Variants in HLA-DQB2 observed in about 807,000 individuals in gnomAD.
HLA-DQB2 encodes the protein HLA class II histocompatibility antigen, DQ beta 2 chain.
HLA-DQB2 carries 24 observed loss-of-function variants against 29.2 expected under a neutral mutation model. That is an observed-to-expected ratio of 0.82 (90% confidence interval 0.60 to 1.16). The LOEUF is 1.16. HLA-DQB2 is among the 50% of genes most tolerant of loss of function. The probability of loss-of-function intolerance (pLI) is 0.00; values close to 1 mark genes in which losing one functional copy is unlikely to be tolerated. For missense variants in HLA-DQB2, 273 were observed against 343.6 expected (o/e 0.79, Z 1.62); for synonymous variants, 104 against 133.1 (o/e 0.78, Z 1.51).
intron 2 of HLA-DQB2, among the ~76,000 whole-genome samples, chr6:32,760,961 C>T (rs773166981): frequency 3.3e-5 from 5 of 152,250 alleles, no homozygotes; most frequent in Non-Finnish European, 7.3e-5. Flanking sequence ...CAGCTGAGTA[C>T]ATTTATTCAT....
chr6:32,756,897 G>A, intron 5 of HLA-DQB2: 1 of 1,188,454 alleles, frequency 8.4e-7, no homozygotes, highest in Non-Finnish European at 1.0e-6. Context: ...TTAAGGCCTG[G>A]TTCTAGGAAA....
rs745655214 is a variant in HLA-DQB2, at chr6:32,757,804, C to T, written c.726G>A (p.Leu242=). The change falls in exon 4 of 6, where the codon CTG becomes CTA. Residue 242 remains leucine, a synonymous_variant. Transcript: ENST00000437316. The stretch of plus-strand genomic sequence containing the variant: ...GACCCCTGTGACGGATGATAAGGCC[C>T]AGCCCGAGGAAGATCAGCCCCAGCA... ...GFVLGLIFLG[L]GLIIRHRGQK... is the part of the protein sequence containing the mutation. 6.2e-7 allele frequency: 1 copy of T among 1,613,556 alleles called. No individual in the cohort carries two copies. The highest frequency in any genetic ancestry group is 1.7e-5 in the Admixed American group (1 of 60,002).
chr6:32,757,030 T>TTTA, intron 5 of HLA-DQB2: 1 of 1,382,094 alleles, frequency 7.2e-7, no homozygotes, highest in Non-Finnish European at 9.3e-7. Flanking sequence ...CTCTTCTTTT[T>TTTA]TTTTTTTGAG....
chr6:32,756,616 T>C, intron 5 of HLA-DQB2, 150 bp from the exon 6 acceptor site: 1 of 1,440,514 alleles, frequency 6.9e-7, no homozygotes, highest in Non-Finnish European at 9.1e-7. Context: ...TGTGTAAAGG[T>C]AAAATCAGCT....
At position 32,763,494 on chromosome 6, in the gene HLA-DQB2, A is replaced by C; in HGVS notation, c.-24T>G. The C allele has an allele frequency of 6.8e-7, 1 of 1,465,912 alleles. No individual in the cohort carries two copies. Among genetic ancestry groups the C allele is most frequent in the African/African-American group, 1.4e-5 (1 of 71,868 alleles). 90.8% of individuals were successfully genotyped at this position (1,465,912 alleles called of 1,614,324 possible). A position where few individuals can be genotyped will look rare whatever the true frequency, so the allele number is the denominator to read the frequency against. On this transcript the variant is annotated 5_prime_UTR_variant, in exon 1 of 6. Coordinates refer to ENST00000437316, the MANE Select transcript of HLA-DQB2 (RefSeq NM_001300790.2). ...ATCTTCCAAGACGTAAGTGAGACCA[A>C]GGAAAAAGCAGTGGTAGTCAACACA...
In HLA-DQB2 at chr6:32,763,431, C is replaced by G. The variant is rs766009346; in HGVS notation, c.40G>C (p.Val14Leu). 7.0e-6 allele frequency: 11 copies of G among 1,564,146 alleles called. No individual in the cohort carries two copies. Among genetic ancestry groups the G allele is most frequent in the Admixed American group, 1.9e-5 (1 of 52,544 alleles). The change falls in exon 1 of 6, where the codon GTG (valine) becomes CTG (leucine). Residue 14 changes from valine to leucine, a missense_variant. Physicochemically the swap from Val to Leu is conservative, Grantham distance 32. Transcript: ENST00000437316. The stretch of plus-strand genomic sequence containing the variant: ...CTCAGCATCACCAGCATCACGGTCA[C>G]AGCTGCTGCCCAAAAGCCTCCAGGG... ...QIPGGFWAAAVTVMLVMLSTP... is the reference protein window; with the variant it reads ...QIPGGFWAAALTVMLVMLSTP...
intron 3 of HLA-DQB2, among the ~76,000 whole-genome samples, 195 bp downstream of exon 3, chr6:32,758,655 T>G (rs977540671): frequency 5.9e-5 from 9 of 152,246 alleles, no homozygotes; most frequent in Non-Finnish European, 1.0e-4. Flanking sequence ...GAAAGTGATC[T>G]CCCTGGTATC....
At chr6:32,762,984 C>T (rs900234949) in intron 1 of HLA-DQB2, among the ~76,000 whole-genome samples, 1 of 152,216 alleles carries the variant, frequency 6.6e-6, no homozygotes, top group Non-Finnish European at 1.5e-5. Flanking sequence ...ACCTCCAATA[C>T]AGAGACTACA....
chr6:32,762,178 A>T (rs527760948), intron 1 of HLA-DQB2, among the ~76,000 whole-genome samples: 5 of 152,284 alleles, frequency 3.3e-5, no homozygotes, highest in Admixed American at 3.3e-4. Flanking sequence ...GTAAGAGGGA[A>T]AGCCCAGTCC....
In HLA-DQB2 at chr6:32,763,367, C is replaced by T. The variant is rs746779951; in HGVS notation, c.97+7G>A. ...GTGGCTCTCGAGAGCAGCTGCCCTG[C>T]ACTTACTGGGAAAGTCTCTGGCCTC... On this transcript the variant is annotated splice_region_variant and intron_variant, in intron 1 of 5. Coordinates refer to ENST00000437316, the MANE Select transcript of HLA-DQB2 (RefSeq NM_001300790.2). 4.6e-6 allele frequency: 7 copies of T among 1,536,258 alleles called. No homozygotes were observed. In the South Asian group the frequency reaches 8.3e-5, roughly 18 times the overall value.
intron 2 of HLA-DQB2, among the ~76,000 whole-genome samples, chr6:32,761,024 G>A (rs949354633): frequency 0.15 from 21,945 of 145,628 alleles, no homozygotes; most frequent in East Asian, 0.25. Context: ...CACGAGTCAG[G>A]TACTAGGCAT....
chr6:32,763,462 C>T lies in HLA-DQB2; in HGVS notation c.9G>A (p.Leu3=), dbSNP rs765751400. The T allele has an allele frequency of 8.4e-6, 13 of 1,555,590 alleles. No individual in the cohort carries two copies. In the African/African-American group the frequency reaches 1.6e-4, roughly 19 times the overall value. ...CTGCCCAAAAGCCTCCAGGGATCTG[C>T]AGAGCCATCTTCCAAGACGTAAGTG... The part of the protein sequence containing the change: MA[L]QIPGGFWAAA... The change falls in exon 1 of 6, where the codon CTG becomes CTA. Residue 3 remains leucine (L), a synonymous_variant. Coordinates refer to ENST00000437316, the MANE Select transcript of HLA-DQB2 (RefSeq NM_001300790.2).
chr6:32,756,254 C>T lies in HLA-DQB2; in HGVS notation c.*199G>A. ...ACAGCTTGCAGTGCACAGGCAGAGGCTCTGGGTCAGTGCAGGAAGCAGAGT... is the reference window on the plus strand; with the variant it reads ...ACAGCTTGCAGTGCACAGGCAGAGGTTCTGGGTCAGTGCAGGAAGCAGAGT... On this transcript the variant is annotated 3_prime_UTR_variant, in exon 6 of 6. Transcript: ENST00000437316. 1.6e-6 allele frequency: 1 copy of T among 606,948 alleles called. No individual in the cohort carries two copies. The highest frequency in any genetic ancestry group is 2.1e-5 in the South Asian group (1 of 48,552). 37.6% of individuals were successfully genotyped at this position (606,948 alleles called of 1,614,324 possible).
At chr6:32,756,524 C>A in intron 5 of HLA-DQB2, 58 bp from the exon 6 acceptor site, 1 of 1,553,236 alleles carries the variant, frequency 6.4e-7, no homozygotes, top group Non-Finnish European at 8.7e-7. Flanking sequence ...CACACCCTCT[C>A]CCCTAGTCCT....
At chr6:32,759,457 C>T (rs1387996669) in intron 2 of HLA-DQB2, among the ~76,000 whole-genome samples, 1 of 152,144 alleles carries the variant, frequency 6.6e-6, no homozygotes, top group South Asian at 2.1e-4. Context: ...ATCATGTTTG[C>T]CCATAACTCA....
chr6:32,760,504 C>A (rs1232892345), intron 2 of HLA-DQB2, among the ~76,000 whole-genome samples: 1 of 151,822 alleles, frequency 6.6e-6, no homozygotes, highest in Admixed American at 6.6e-5. Context: ...GGTAACTGTG[C>A]TATTAAATGA....
At chr6:32,759,390 T>G (rs984618009) in intron 2 of HLA-DQB2, among the ~76,000 whole-genome samples, 15 of 139,010 alleles carry the variant, frequency 1.1e-4, no homozygotes, top group African/African-American at 3.6e-4. Context: ...TTTCAAAAGT[T>G]TGTAATATTT....
At chr6:32,761,986 C>G (rs1445657431) in intron 1 of HLA-DQB2, 60 bp from the exon 2 acceptor site, 60 of 1,558,782 alleles carry the variant, frequency 3.8e-5, no homozygotes, top group Non-Finnish European at 5.2e-5. Context: ...CAGCCCCCAG[C>G]CGGACCGCAC....
In HLA-DQB2 at chr6:32,757,851, G is replaced by C. The variant is rs777323311; in HGVS notation, c.679C>G (p.Leu227Val). ...AQSESAQSKM[L>V]SGIGGFVLGL... ...AGCACGAAGCCTCCAATGCCACTCA[G>C]CATCTTGCTCTGGGCAGATTCAGAC... The change falls in exon 4 of 6, where the codon CTG becomes GTG. Residue 227 changes from leucine to valine, a missense_variant. Transcript: ENST00000437316. 1.0e-4 allele frequency: 165 copies of C among 1,613,602 alleles called. 1 individual carries two copies. Among genetic ancestry groups the C allele is most frequent in the Non-Finnish European group, 1.3e-4 (155 of 1,179,812 alleles).
Sources: allele counts gnomAD v4.1 joint callset (sites outside exome capture counted in the v4.1 genomes callset), GRCh38; gene constraint gnomAD v4.1.1; transcripts MANE v1.5; gene names NCBI Gene and HGNC (gene_info 2026-07-23, HGNC 2026-07-21).